SRSF5: variants seen among roughly 807,000 people sequenced by gnomAD.
SRSF5 encodes the protein serine and arginine rich splicing factor 5, also known as serine/arginine-rich splicing factor 5.
Under a neutral mutation model 34.0 loss-of-function variants are expected in SRSF5, and 5 were observed. That is an observed-to-expected ratio of 0.15 (90% CI 0.08 to 0.31). The LOEUF (loss-of-function observed/expected upper bound fraction) is 0.31. Among genes scored for constraint, SRSF5 ranks in the 10% least tolerant of loss-of-function variants. The probability of loss-of-function intolerance (pLI) is 1.00; values close to 1 mark genes in which losing one functional copy is unlikely to be tolerated. For missense variants in SRSF5, 223 were observed against 351.4 expected, an observed-to-expected ratio of 0.63 and a Z score of 2.92; for synonymous variants, 164 against 117.7, an observed-to-expected ratio of 1.39 and a Z score of -2.55.
rs1882863281 is a variant in SRSF5, at chr14:69,768,877, A to C, written c.277A>C (p.Arg93=). 1.2e-6 allele frequency: 2 copies of C among 1,614,232 alleles called. No homozygotes were observed. Among genetic ancestry groups the C allele is most frequent in the Non-Finnish European group, 1.7e-6 (2 of 1,180,034 alleles). The change falls in exon 4 of 8, where the codon AGA becomes CGA. Residue 93 remains arginine (R), a synonymous_variant. Coordinates refer to ENST00000557154, the MANE Select transcript of SRSF5 (RefSeq NM_001320214.2). ...ATACTCTGACCGTTTTAGTAGTCGCAGACCTCGAAATGATAGACGGTATGT... is the reference window on the plus strand; with the variant it reads ...ATACTCTGACCGTTTTAGTAGTCGCCGACCTCGAAATGATAGACGGTATGT... ...GRYSDRFSSR[R]PRNDRRNAPP...
rs1221321700 is a variant in SRSF5, at chr14:69,767,220, GTC to G, written c.-53_-52del. ...CGACTCCGTCGCAGACTACGGACCT[GTC>G]TGGGTCTCAGCCGCCAAAGACCCCG... On this transcript the variant is annotated 5_prime_UTR_variant, in exon 1 of 8. Coordinates refer to ENST00000557154, the MANE Select transcript of SRSF5 (RefSeq NM_001320214.2). The G allele has an allele frequency of 5.4e-6, 2 of 370,652 alleles. No homozygotes were observed. The highest frequency in any genetic ancestry group is 1.0e-5 in the Non-Finnish European group (2 of 191,980). The allele number at this position is 370,652 out of a possible 1,614,324, so 23.0% of individuals were successfully genotyped here.
chr14:69,768,488 GTA>G, intron 2 of SRSF5, 114 bp from the exon 3 acceptor site: 1 of 1,237,520 alleles, frequency 8.1e-7, no homozygotes, highest in Non-Finnish European at 1.2e-6. Flanking sequence ...AGGTTTGACT[GTA>G]TGGCAGTGTC....
rs761347131 is a variant in SRSF5 at position 69,771,294 on chromosome 14, A to AGGAGCAGGAGCCGGAGCC, written c.659_676dup (p.Arg220_Ser225dup). ...CAAATCTTACAGCCGGTCAAGAAGC[A>AGGAGCAGGAGCCGGAGCC]GGAGCAGGAGCCGGAGCCGGAGCAA... On this transcript the variant is annotated inframe_insertion, in exon 8 of 8. Coordinates refer to ENST00000557154, the MANE Select transcript of SRSF5 (RefSeq NM_001320214.2). 28 of 1,613,906 alleles carry AGGAGCAGGAGCCGGAGCC rather than the reference A, an allele frequency of 1.7e-5. 1 individual carries two copies. Among genetic ancestry groups the AGGAGCAGGAGCCGGAGCC allele is most frequent in the Non-Finnish European group, 2.2e-5 (26 of 1,179,914 alleles).
At chr14:69,769,579 C>T in intron 5 of SRSF5, 2 of 1,535,444 alleles carry the variant, frequency 1.3e-6, no homozygotes, top group South Asian at 2.4e-5. Flanking sequence ...CTTGGTCACT[C>T]TTGGTTGGGC....
intron 1 of SRSF5, chr14:69,767,816 C>G (rs926940131): frequency 3.6e-5 from 13 of 358,424 alleles, no homozygotes; most frequent in Non-Finnish European, 6.5e-5. Context: ...GCGGGCGGCT[C>G]CGCCCGCACT....
chr14:69,768,758 G>C (rs1882848144), intron 3 of SRSF5, 40 bp from the exon 4 acceptor site: 3 of 1,612,090 alleles, frequency 1.9e-6, no homozygotes, highest in Non-Finnish European at 2.5e-6. Context: ...GATTTATGTA[G>C]CTTAAGTGTG....
intron 5 of SRSF5, 52 bp from the exon 6 acceptor site, chr14:69,770,411 ATTGT>A (rs999293027): frequency 1.1e-4 from 179 of 1,591,562 alleles, no homozygotes; most frequent in South Asian, 2.5e-4. Context: ...ATATCATGTG[ATTGT>A]TTGTGTGTCC....
rs1882543373 is a variant in SRSF5, at chr14:69,767,155, T to A, written c.-120T>A. 6.4e-6 allele frequency: 2 copies of A among 314,554 alleles called. No individual in the cohort carries two copies. The highest frequency in any genetic ancestry group is 1.3e-5 in the Non-Finnish European group (2 of 157,014). The allele number at this position is 314,554 out of a possible 1,614,324, so 19.5% of individuals were successfully genotyped here. A position where few individuals can be genotyped will look rare whatever the true frequency, so the allele number is the denominator to read the frequency against. On this transcript the variant is annotated 5_prime_UTR_variant, in exon 1 of 8. Coordinates refer to ENST00000557154, the MANE Select transcript of SRSF5 (RefSeq NM_001320214.2). ...GCTGCTAAGTGCGTCAGTTGTGGAGTGGCGTAGACGAGTTAAGTCCTGGTC... is the reference window on the plus strand; with the variant it reads ...GCTGCTAAGTGCGTCAGTTGTGGAGAGGCGTAGACGAGTTAAGTCCTGGTC...
intron 5 of SRSF5, 58 bp from the exon 6 acceptor site, chr14:69,770,409 T>C: frequency 1.3e-6 from 2 of 1,590,516 alleles, no homozygotes; most frequent in Non-Finnish European, 1.7e-6. Context: ...TTATATCATG[T>C]GATTGTTTGT....
At chr14:69,768,448 T>C (rs1001349938) in intron 2 of SRSF5, 156 bp from the exon 3 acceptor site, 13 of 1,233,990 alleles carry the variant, frequency 1.1e-5, no homozygotes, top group Non-Finnish European at 1.4e-5. Context: ...GCCGGCTCAC[T>C]GGAACCCCAC....
Position 69,771,101 on chromosome 14 carries a change from C to T in SRSF5, c.547C>T (p.His183Tyr), listed in dbSNP as rs1249505415. 2.5e-6 allele frequency: 4 copies of T among 1,613,478 alleles called. No homozygotes were observed. The Admixed American group carries it at 5.0e-5, about 20-fold the overall frequency. The change falls in exon 7 of 8, where the codon CAC becomes TAC. Residue 183 changes from histidine (H) to tyrosine (Y), a missense_variant. By Grantham distance (83) the His-to-Tyr change is moderately conservative. This residue lies in a region of SRSF5 where 37 missense variants were observed against 96.7 expected (regional missense o/e 0.38). Transcript: ENST00000557154. ...AAAATTAATTGAAGGCAGCAAAAGG[C>T]ACAGGTATCTCTAATTTTTTAAAGT... ...KIKLIEGSKRHSRSRSRSRSR... is the reference protein window; with the variant it reads ...KIKLIEGSKRYSRSRSRSRSR...
At chr14:69,769,459 C>T in intron 5 of SRSF5, 22 of 1,533,278 alleles carry the variant, frequency 1.4e-5, no homozygotes, top group South Asian at 2.4e-5. Flanking sequence ...GGATATTTTT[C>T]TTGTTTTTTA....
At chr14:69,767,688 C>T (rs763687340) in intron 1 of SRSF5, 18 of 364,414 alleles carry the variant, frequency 4.9e-5, no homozygotes, top group African/African-American at 3.2e-4. Flanking sequence ...CATTTTGTGG[C>T]CGCAGAGCGC....
intron 4 of SRSF5, 66 bp downstream of exon 4, chr14:69,768,962 C>A: frequency 1.3e-6 from 2 of 1,520,594 alleles, no homozygotes; most frequent in Non-Finnish European, 1.8e-6. Flanking sequence ...ATTCAGGAGT[C>A]ATTAGCAGTG....
At chr14:69,770,594 G>A in intron 6 of SRSF5, 54 bp downstream of exon 6, 1 of 1,521,164 alleles carries the variant, frequency 6.6e-7, no homozygotes, top group Non-Finnish European at 9.1e-7. Flanking sequence ...ATTTTACTGT[G>A]AACTTAGTTT....
Position 69,768,601 on chromosome 14 carries a change from T to A in SRSF5, c.127-3T>A, listed in dbSNP as rs371577015. 6.2e-7 allele frequency: 1 copy of A among 1,613,956 alleles called. No homozygotes were observed. The highest frequency in any genetic ancestry group is 1.3e-5 in the African/African-American group (1 of 74,922). On this transcript the variant is annotated splice_polypyrimidine_tract_variant and splice_region_variant and intron_variant, in intron 2 of 7. Coordinates refer to ENST00000557154, the MANE Select transcript of SRSF5 (RefSeq NM_001320214.2). ...TGTTAAGAGTCTTATGCTTACATTT[T>A]AGGAATTTGAGGATCCAAGGGATGC... is the stretch of plus-strand genomic sequence containing the variant.
chr14:69,771,176 T>G lies in SRSF5; in HGVS notation c.552-18T>G. 1 of 1,613,854 alleles carries G rather than the reference T, an allele frequency of 6.2e-7. No individual in the cohort carries two copies. Among genetic ancestry groups the G allele is most frequent in the East Asian group, 2.2e-5 (1 of 44,882 alleles). ...TTGTAGAGTCTTATCTAGGCTGATT[T>G]CTTTTCATTTTTCATAGTAGGTCAA... On this transcript the variant is annotated intron_variant, in intron 7 of 7. Coordinates refer to ENST00000557154, the MANE Select transcript of SRSF5 (RefSeq NM_001320214.2).
In SRSF5 at chr14:69,769,071, C is replaced by A. The variant is rs535801847; in HGVS notation, c.297-111C>A. The A allele has an allele frequency of 4.0e-5, 55 of 1,369,814 alleles. No individual in the cohort carries two copies. In the South Asian group the frequency reaches 6.2e-4, roughly 15 times the overall value. The allele number at this position is 1,369,814 out of a possible 1,614,324, so 84.9% of individuals were successfully genotyped here. The stretch of plus-strand genomic sequence containing the variant: ...GAGTCATAGAACACAAATCTATTGA[C>A]GGAAGTCATTAGAATGGCTTGTGAT... On this transcript the variant is annotated intron_variant, in intron 4 of 7. Coordinates refer to ENST00000557154, the MANE Select transcript of SRSF5 (RefSeq NM_001320214.2).
At chr14:69,769,781 C>A in intron 5 of SRSF5, 1 of 1,350,098 alleles carries the variant, frequency 7.4e-7, no homozygotes, top group Non-Finnish European at 9.5e-7. Context: ...GAGGTCCGGT[C>A]GAAAAGAGTT....
Sources: allele counts gnomAD v4.1 joint callset, GRCh38; gene constraint gnomAD v4.1.1; regional missense constraint gnomAD v4.1.1; transcripts MANE v1.5; gene names NCBI Gene and HGNC (gene_info 2026-07-23, HGNC 2026-07-21).